The following CCP110 variants were observed in gnomAD, a reference collection of about 807,000 sequenced individuals.
CCP110 encodes centriolar coiled-coil protein 110, also known as centriolar coiled-coil protein of 110 kDa.
In CCP110, 43 loss-of-function variants were observed where a neutral mutation model predicts 105.5. That is an observed-to-expected ratio of 0.41 (90% CI 0.32 to 0.53). The LOEUF is 0.53. Ranked by LOEUF, CCP110 falls within the 20% of genes least tolerant of loss-of-function variation. The pLI, the probability that CCP110 is intolerant of heterozygous loss-of-function variation, is 0.32. For missense variants in CCP110, 1,016 were observed against 1,189.1 expected, an observed-to-expected ratio of 0.85 and a Z score of 2.14; for synonymous variants, 353 against 392.1, an observed-to-expected ratio of 0.90 and a Z score of 1.18.
At chr16:19,533,229 C>T (rs1969936507) in intron 3 of CCP110, among the ~76,000 whole-genome samples, 1 of 144,558 alleles carries the variant, frequency 6.9e-6, no homozygotes. Flanking sequence ...CTGTTTAATT[C>T]GTATCGATGA....
intron 2 of CCP110, among the ~76,000 whole-genome samples, chr16:19,530,964 A>G (rs1301504057): frequency 6.6e-6 from 1 of 152,132 alleles, no homozygotes; most frequent in African/African-American, 2.4e-5. Context: ...GATGCCCTGC[A>G]CTTCATACTA....
intron 4 of CCP110, among the ~76,000 whole-genome samples, chr16:19,538,833 C>T (rs226892): frequency 6.6e-6 from 1 of 151,868 alleles, no homozygotes; most frequent in Non-Finnish European, 1.5e-5. Flanking sequence ...GTTCTTTAGG[C>T]CGGCGCGGTT....
chr16:19,529,949 T>G (rs1969803184), intron 2 of CCP110, among the ~76,000 whole-genome samples: 1 of 152,120 alleles, frequency 6.6e-6, no homozygotes, highest in South Asian at 2.1e-4. Flanking sequence ...CCCAGCACTT[T>G]GGGAGGCTGA....
exon 5 of CCP110, chr16:19,540,702 T>C: frequency 1.2e-6 from 2 of 1,613,076 alleles, no homozygotes; most frequent in Non-Finnish European, 8.5e-7. Flanking sequence ...TTTGAAGAAA[T>C]GCGGAAGAGA....
Position 19,524,359 on chromosome 16 carries a change from C to A in CCP110, c.-16+271C>A, listed in dbSNP as rs182098990. ...GGAGCTGGAGGAGGTGGGCATGGGG[C>A]GCTGGGGAGAGGGCAGGGGGCCGTC... On this transcript the variant is annotated intron_variant, in intron 1 of 14. Coordinates refer to ENST00000381396, the Ensembl canonical transcript of CCP110. Among the ~76,000 whole-genome samples, 462 of 152,126 alleles carry A rather than the reference C, an allele frequency of 3.0e-3. 1 individual carries two copies. Among genetic ancestry groups the A allele is most frequent in the Non-Finnish European group, 5.3e-3 (357 of 67,988 alleles).
chr16:19,531,694 G>A (rs1052420040), intron 2 of CCP110, among the ~76,000 whole-genome samples: 2 of 152,212 alleles, frequency 1.3e-5, no homozygotes, highest in East Asian at 1.9e-4. Flanking sequence ...TGGGCCAGGC[G>A]CGGTGGCTCG....
rs775958648 is a variant in CCP110, at chr16:19,548,538, G to A, written c.2924G>A (p.Gly975Glu). Residue 975 changes from glycine to glutamate, a missense_variant, in exon 14 of 15, where the codon GGG (glycine) becomes GAG (glutamate). Transcript: ENST00000381396. The surrounding 1 kb of genome is among the most constrained non-coding windows in gnomAD (Gnocchi z 4.1). Reference sequence around the variant, plus strand: ...AGAACCCCTAAGACATCAGTGAAGGGGGTTGTGCAAAATAGACAGAAGCCT... The same window carrying A: ...AGAACCCCTAAGACATCAGTGAAGGAGGTTGTGCAAAATAGACAGAAGCCT... 6.5e-7 allele frequency: 1 copy of A among 1,549,082 alleles called. No homozygotes were observed. The highest frequency in any genetic ancestry group is 1.2e-5 in the South Asian group (1 of 83,990).
exon 15 of CCP110, chr16:19,551,336 C>T: frequency 9.5e-7 from 1 of 1,055,552 alleles, no homozygotes; most frequent in Non-Finnish European, 1.5e-6. Flanking sequence ...ACCCTGGACT[C>T]CGTTTACACA....
exon 3 of CCP110, chr16:19,532,540 T>C: frequency 6.3e-7 from 1 of 1,590,878 alleles, no homozygotes; most frequent in South Asian, 1.2e-5. Flanking sequence ...CTTGACAATG[T>C]TCAGGTGTGT....
chr16:19,542,138 A>G (rs751336202), intron 6 of CCP110, 74 bp downstream of exon 6: 118 of 995,728 alleles, frequency 1.2e-4, no homozygotes, highest in Non-Finnish European at 1.6e-4. Flanking sequence ...ACACTATAAG[A>G]TTATATCTCC....
chr16:19,544,965 C>T, intron 9 of CCP110, 67 bp downstream of exon 9: 1 of 1,028,532 alleles, frequency 9.7e-7, no homozygotes, highest in East Asian at 2.4e-5. Flanking sequence ...TTTATTTAAT[C>T]ACTGAAAATA....
intron 3 of CCP110, among the ~76,000 whole-genome samples, chr16:19,533,960 C>T (rs1285081784): frequency 6.6e-6 from 1 of 152,102 alleles, no homozygotes; most frequent in Non-Finnish European, 1.5e-5. Context: ...TGTAATGAGT[C>T]TTCAGAATCT....
At chr16:19,542,010 G>A (rs770637166) in exon 6 of CCP110, 1 of 1,611,104 alleles carries the variant, frequency 6.2e-7, no homozygotes, top group African/African-American at 1.3e-5. Context: ...TAGTTTGCTG[G>A]AAACAATGCT....
In CCP110 at chr16:19,548,653, C is replaced by A; in HGVS notation, c.2986+53C>A. 1 of 1,134,480 alleles carries A rather than the reference C, an allele frequency of 8.8e-7. No individual in the cohort carries two copies. The highest frequency in any genetic ancestry group is 1.3e-6 in the Non-Finnish European group (1 of 780,758). The allele number at this position is 1,134,480 out of a possible 1,614,324, so 70.3% of individuals were successfully genotyped here. ...CATTCAATAGAAGGAAGTGCACAAG[C>A]TGCCCCATAACTCAGGCCATAGAAG... On this transcript the variant is annotated intron_variant, in intron 14 of 14. Transcript: ENST00000381396. This position sits in a 1 kb window ranked among gnomAD's most constrained non-coding sequence, Gnocchi z 4.1.
intron 8 of CCP110, among the ~76,000 whole-genome samples, chr16:19,544,452 G>A (rs1011000825): frequency 6.6e-6 from 1 of 152,120 alleles, no homozygotes; most frequent in Non-Finnish European, 1.5e-5. Flanking sequence ...ACAAATGATG[G>A]TTGTGTCTGT....
In CCP110 at chr16:19,548,059, T is replaced by C; in HGVS notation, c.2900+45T>C. The C allele has an allele frequency of 7.6e-7, 1 of 1,322,110 alleles. No homozygotes were observed. Among genetic ancestry groups the C allele is most frequent in the South Asian group, 1.2e-5 (1 of 82,988 alleles). 81.9% of individuals were successfully genotyped at this position (1,322,110 alleles called of 1,614,324 possible). A position where few individuals can be genotyped will look rare whatever the true frequency, so the allele number is the denominator to read the frequency against. The stretch of plus-strand genomic sequence containing the variant: ...GTATTGAAAACTACGGAAACCAAGA[T>C]TAGATTTGAGAGGGAAAAATAAATC... On this transcript the variant is annotated intron_variant, in intron 13 of 14. Coordinates refer to ENST00000381396, the Ensembl canonical transcript of CCP110. This position sits in a 1 kb window ranked among gnomAD's most constrained non-coding sequence, Gnocchi z 4.1.
chr16:19,551,276 G>A (rs943997858), exon 15 of CCP110: 6 of 1,578,034 alleles, frequency 3.8e-6, no homozygotes, highest in African/African-American at 1.3e-5. Flanking sequence ...GGATAAAATG[G>A]GGGGAAGGAT....
chr16:19,550,858 A>C (rs774213413), intron 14 of CCP110, among the ~76,000 whole-genome samples: 11 of 152,320 alleles, frequency 7.2e-5, no homozygotes, highest in South Asian at 6.2e-4. Flanking sequence ...TTTGTGCTTG[A>C]CTAGAGTTTA....
chr16:19,543,250 T>G (rs1295653545), intron 8 of CCP110, among the ~76,000 whole-genome samples: 2 of 152,220 alleles, frequency 1.3e-5, no homozygotes, highest in Non-Finnish European at 2.9e-5. Flanking sequence ...AAATAACACT[T>G]TTATAATTTC....
Sources: allele counts gnomAD v4.1 joint callset (sites outside exome capture counted in the v4.1 genomes callset), GRCh38; gene constraint gnomAD v4.1.1; non-coding constraint Gnocchi (gnomAD v3.1); transcripts MANE v1.5; gene names NCBI Gene and HGNC (gene_info 2026-07-23, HGNC 2026-07-21).